The following F12 variants were observed in gnomAD, a reference collection of about 807,000 sequenced individuals.
F12 encodes the protein coagulation factor XII.
Under a neutral mutation model 74.8 loss-of-function variants are expected in F12, and 70 were observed. The observed-to-expected ratio is 0.94, with a 90% CI of 0.77 to 1.14. F12 has a LOEUF of 1.14. Ranked by LOEUF, F12 falls within the 50% of genes most tolerant of loss-of-function variation. The pLI is 0.00. For missense variants in F12, 811 were observed against 835.7 expected, an observed-to-expected ratio of 0.97 and a Z score of 0.36; for synonymous variants, 373 against 356.4, an observed-to-expected ratio of 1.05 and a Z score of -0.52.
At chr5:177,402,800 T>G (rs570677528) in intron 12 of F12, 102 bp from the exon 13 acceptor site, 1 of 1,514,424 alleles carries the variant, frequency 6.6e-7, no homozygotes, top group Non-Finnish European at 9.0e-7. Context: ...CTCATGCCCT[T>G]CCTCTCTCGC....
Position 177,402,456 on chromosome 5 carries a change from C to A in F12, c.1684G>T (p.Asp562Tyr). ...LEGGTDACQG[D>Y]SGGPLVCEDQ... ...TCACACACCAGCGGGCCTCCGGAATCACCCTGGGTCGGAAACACGCAGCTC... is the reference window on the plus strand; with the variant it reads ...TCACACACCAGCGGGCCTCCGGAATAACCCTGGGTCGGAAACACGCAGCTC... The change falls in exon 14 of 14, where the codon GAT becomes TAT. Residue 562 changes from aspartate to tyrosine, a missense_variant. By Grantham distance (160) the Asp-to-Tyr change is radical. Transcript: ENST00000253496. The A allele has an allele frequency of 1.2e-6, 2 of 1,605,464 alleles. No individual in the cohort carries two copies. The highest frequency in any genetic ancestry group is 1.1e-5 in the South Asian group (1 of 89,848).
At position 177,404,313 on chromosome 5, in the gene F12, C is replaced by G. The variant is rs571976954; in HGVS notation, c.901G>C (p.Ala301Pro). 6.2e-7 allele frequency: 1 copy of G among 1,602,732 alleles called. No individual in the cohort carries two copies. Among genetic ancestry groups the G allele is most frequent in the East Asian group, 2.2e-5 (1 of 44,622 alleles). Residue 301 changes from alanine to proline, a missense_variant, in exon 9 of 14, where the codon GCG becomes CCG. Physicochemically the swap from Ala to Pro is conservative, Grantham distance 27 (BLOSUM62 -1). Coordinates refer to ENST00000253496, the MANE Select transcript of F12 (RefSeq NM_000505.4). ...GGGGACACCGGGGTCGGAGGCGCCG[C>G]CTGGGTTGGGGTCTGGCACTGTGCC... ...DLAQCQTPTQ[A>P]APPTPVSPRL...
At position 177,403,613 on chromosome 5, in the gene F12, C is replaced by T. The variant is rs1763199936; in HGVS notation, c.1255G>A (p.Ala419Thr). ...TAAHCLQDRPAPEDLTVVLGQ... is the reference protein window; with the variant it reads ...TAAHCLQDRPTPEDLTVVLGQ... The stretch of plus-strand genomic sequence containing the variant: ...AGCACCACCGTCAGATCCTCGGGTG[C>T]GGGCCTGCGGGGGGGGTAGGGGAGA... The change falls in exon 11 of 14, where the codon GCA (alanine) becomes ACA (threonine). Residue 419 changes from alanine (A) to threonine (T), a missense_variant. Physicochemically the swap from Ala to Thr is moderately conservative, Grantham distance 58. Transcript: ENST00000253496. 1.9e-6 allele frequency: 3 copies of T among 1,604,182 alleles called. No individual in the cohort carries two copies. The highest frequency in any genetic ancestry group is 8.5e-7 in the Non-Finnish European group (1 of 1,179,142).
chr5:177,409,387 T>TC, intron 1 of F12, 84 bp downstream of exon 1: 1 of 1,488,782 alleles, frequency 6.7e-7, no homozygotes, highest in Non-Finnish European at 9.3e-7. Flanking sequence ...GACCCACAGG[T>TC]CATGAGCAGA....
chr5:177,403,105 G>C, intron 12 of F12, 149 bp downstream of exon 12: 1 of 981,742 alleles, frequency 1.0e-6, no homozygotes, highest in Non-Finnish European at 1.5e-6. Context: ...ATTCTACCTG[G>C]GATTCACCTA....
chr5:177,403,228 C>T (rs1229943606), intron 12 of F12, 26 bp downstream of exon 12: 1 of 1,600,030 alleles, frequency 6.2e-7, no homozygotes, highest in Non-Finnish European at 8.5e-7. Flanking sequence ...TCCTCCCCTA[C>T]CCCTGCCCCT....
chr5:177,404,955 A>AC (rs753802354), intron 6 of F12, 41 bp from the exon 7 acceptor site: 25 of 1,579,946 alleles, frequency 1.6e-5, no homozygotes, highest in African/African-American at 8.2e-5. Context: ...GGGCCTAAAG[A>AC]CCCCCCCAGA....
chr5:177,408,203 A>G (rs1763333819), intron 2 of F12, among the ~76,000 whole-genome samples: 1 of 151,976 alleles, frequency 6.6e-6, no homozygotes, highest in Non-Finnish European at 1.5e-5. Flanking sequence ...CTACTGGCGC[A>G]TGCCACCATG....
Position 177,404,050 on chromosome 5 carries a change from C to T in F12, c.1059G>A (p.Arg353=). 1.2e-6 allele frequency: 2 copies of T among 1,602,768 alleles called. No homozygotes were observed. The highest frequency in any genetic ancestry group is 1.7e-6 in the Non-Finnish European group (2 of 1,179,608). The change falls in exon 10 of 14, where the codon AGG becomes AGA. Residue 353 remains arginine, a synonymous_variant. Transcript: ENST00000253496. Reference sequence around the variant, plus strand: ...GCTGCCCGCAGCTCAGTGGGCCGTTCCTGGTCAGGGAAGGCGGCTGCTCCC... The same window carrying T: ...GCTGCCCGCAGCTCAGTGGGCCGTTTCTGGTCAGGGAAGGCGGCTGCTCCC... The part of the protein sequence containing the change: ...AKREQPPSLT[R]NGPLSCGQRL...
chr5:177,402,761 C>CAAAG (rs1482658995), intron 12 of F12, 63 bp from the exon 13 acceptor site: 2 of 1,591,902 alleles, frequency 1.3e-6, no homozygotes, highest in Non-Finnish European at 1.7e-6. Context: ...GGACGATGGA[C>CAAAG]AAAGCTGCTC....
Position 177,402,408 on chromosome 5 carries a change from G to A in F12, c.1732C>T (p.Leu578Phe), listed in dbSNP as rs756553586. 1.2e-6 allele frequency: 2 copies of A among 1,612,526 alleles called. No homozygotes were observed. Among genetic ancestry groups the A allele is most frequent in the Admixed American group, 1.7e-5 (1 of 59,912 alleles). Residue 578 changes from leucine (L) to phenylalanine (F), a missense_variant, in exon 14 of 14, where the codon CTC becomes TTC. Physicochemically the swap from Leu to Phe is conservative, Grantham distance 22. Transcript: ENST00000253496. Reference sequence around the variant, plus strand: ...CAGCTGATGATGCCTTGCAGGGTGAGCCGGCGCTCTGCAGCTTGGTCCTCA... The same window carrying A: ...CAGCTGATGATGCCTTGCAGGGTGAACCGGCGCTCTGCAGCTTGGTCCTCA... Reference protein sequence around the residue: ...VCEDQAAERRLTLQGIISWGS... With the variant: ...VCEDQAAERRFTLQGIISWGS...
Position 177,406,563 on chromosome 5 carries a change from G to T in F12, c.116-502C>A, listed in dbSNP as rs185473574. On this transcript the variant is annotated intron_variant, in intron 2 of 13. Coordinates refer to ENST00000253496, the MANE Select transcript of F12 (RefSeq NM_000505.4). The stretch of plus-strand genomic sequence containing the variant: ...CTCCTGACTCCACAACCTGCTAGCT[G>T]TGTGACCTTGGGTAAGTCTTCAGTC... 6.6e-5 allele frequency among the ~76,000 whole-genome samples: 10 copies of T among 152,112 alleles called. No individual in the cohort carries two copies. In the East Asian group the frequency reaches 1.2e-3, roughly 18 times the overall value.
At chr5:177,408,738 A>G (rs1381096334) in intron 2 of F12, among the ~76,000 whole-genome samples, 1 of 152,248 alleles carries the variant, frequency 6.6e-6, no homozygotes, top group Non-Finnish European at 1.5e-5. Context: ...AATGATGCCC[A>G]TGAGACGTAC....
chr5:177,404,937 C>G (rs139648073), intron 6 of F12, 23 bp from the exon 7 acceptor site: 3 of 1,589,482 alleles, frequency 1.9e-6, no homozygotes, highest in East Asian at 4.6e-5. Flanking sequence ...ACGCAGTGAG[C>G]CACCCCTGGG....
At position 177,403,383 on chromosome 5, in the gene F12, G is replaced by C; in HGVS notation, c.1402C>G (p.Gln468Glu). The C allele has an allele frequency of 6.3e-7, 1 of 1,597,932 alleles. No homozygotes were observed. The highest frequency in any genetic ancestry group is 8.5e-7 in the Non-Finnish European group (1 of 1,179,028). ...GCGCAGCTGCCGTCCGCATCCTCCT[G>C]AAGGCGCAACAGAGCTAACCCGGGC... ...YQHDLALLRL[Q>E]EDADGSCALL... The change falls in exon 12 of 14, where the codon CAG becomes GAG. Residue 468 changes from glutamine to glutamate, a missense_variant. Physicochemically the swap from Gln to Glu is conservative, Grantham distance 29. Transcript: ENST00000253496.
In F12 at chr5:177,409,561, G is replaced by C. The variant is rs1211319970; in HGVS notation, c.-34C>G. On this transcript the variant is annotated 5_prime_UTR_variant, in exon 1 of 14. Transcript: ENST00000253496. ...TCCGTTGGTCCAGCTGCCTATCCAG[G>C]AGTCCAGATCAATAGGACTGGCCAA... The C allele has an allele frequency of 6.2e-7, 1 of 1,610,748 alleles. No homozygotes were observed. The highest frequency in any genetic ancestry group is 1.7e-5 in the Admixed American group (1 of 59,906).
chr5:177,404,155 G>T, intron 9 of F12, 41 bp downstream of exon 9: 1 of 1,579,184 alleles, frequency 6.3e-7, no homozygotes, highest in Non-Finnish European at 8.6e-7. Flanking sequence ...TAGCTCGCCC[G>T]GCGCCCTCTC....
Position 177,402,235 on chromosome 5 carries a change from C to G in F12, c.*57G>C. 6.2e-7 allele frequency: 1 copy of G among 1,602,860 alleles called. No individual in the cohort carries two copies. The highest frequency in any genetic ancestry group is 1.7e-5 in the Admixed American group (1 of 59,068). On this transcript the variant is annotated 3_prime_UTR_variant, in exon 14 of 14. Coordinates refer to ENST00000253496, the MANE Select transcript of F12 (RefSeq NM_000505.4). ...TGGGACACAATCTTGCCTTCCATGC[C>G]CCAGCCACTCTCTCACTGCGGAATC...
Position 177,406,022 on chromosome 5 carries a change from T to A in F12, c.155A>T (p.Gln52Leu). 1 of 1,614,052 alleles carries A rather than the reference T, an allele frequency of 6.2e-7. No homozygotes were observed. Among genetic ancestry groups the A allele is most frequent in the South Asian group, 1.1e-5 (1 of 91,082 alleles). ...TTTGTGGTACAGCTGCCGGTGGTACTGGAAGGGGAAGTGGCAGGGCTCCCC... is the reference window on the plus strand; with the variant it reads ...TTTGTGGTACAGCTGCCGGTGGTACAGGAAGGGGAAGTGGCAGGGCTCCCC... Reference protein sequence around the residue: ...VTGEPCHFPFQYHRQLYHKCT... With the variant: ...VTGEPCHFPFLYHRQLYHKCT... Residue 52 changes from glutamine (Q) to leucine (L), a missense_variant, in exon 3 of 14, where the codon CAG (glutamine) becomes CTG (leucine). Coordinates refer to ENST00000253496, the MANE Select transcript of F12 (RefSeq NM_000505.4).
Sources: gnomAD v4.1 joint callset for allele counts (sites outside exome capture counted in the v4.1 genomes callset) on GRCh38, gnomAD v4.1.1 for gene constraint, MANE v1.5 for transcripts, NCBI Gene and HGNC (gene_info 2026-07-23, HGNC 2026-07-21) for gene names.